Variants in TRHDE observed in about 807,000 individuals in gnomAD.
The protein encoded by TRHDE is thyrotropin releasing hormone degrading enzyme, also known as thyrotropin-releasing hormone-degrading ectoenzyme.
Under a neutral mutation model 125.7 loss-of-function variants are expected in TRHDE, and 72 were observed. That is an observed-to-expected ratio of 0.57 (90% CI 0.47 to 0.70). TRHDE has a LOEUF of 0.70. Among genes scored for constraint, TRHDE ranks in the 30% least tolerant of loss-of-function variants. The pLI is 0.00. For synonymous variants in TRHDE, 509 were observed against 509.1 expected (o/e 1.00, Z 0.00); for missense variants, 1,110 against 1,327.1 (o/e 0.84, Z 2.54).
At chr12:72,321,647 T>A (rs1398927153) in intron 2 of TRHDE, among the ~76,000 whole-genome samples, 1 of 152,170 alleles carries the variant, frequency 6.6e-6, no homozygotes, top group Non-Finnish European at 1.5e-5. Context: ...TTCCTTAAAA[T>A]GTATATACAT....
intron 2 of TRHDE, among the ~76,000 whole-genome samples, chr12:72,318,246 C>G (rs1360551233): frequency 6.6e-6 from 1 of 151,758 alleles, no homozygotes; most frequent in African/African-American, 2.4e-5. Flanking sequence ...TGTGGAGAGT[C>G]CAAAGAAATG....
chr12:72,355,442 C>A (rs1378163984), intron 2 of TRHDE, among the ~76,000 whole-genome samples: 1 of 151,502 alleles, frequency 6.6e-6, no homozygotes, highest in Non-Finnish European at 1.5e-5. Context: ...CTAAAAAGAA[C>A]CTTCAAAACC....
Position 72,139,291 on chromosome 12 carries a change from C to A in TRHDE, n.279+33539C>A, listed in dbSNP as rs1333284957. Among the ~76,000 whole-genome samples the A allele has an allele frequency of 2.6e-5, 4 of 151,178 alleles. No individual in the cohort carries two copies. In the East Asian group the frequency reaches 7.8e-4, roughly 29 times the overall value. The stretch of plus-strand genomic sequence containing the variant: ...TTTTTTTTTTAATGTGGTAAAATGG[C>A]TTTTAAGGGTAAATTTAACAATTTT... On this transcript the variant is annotated intron_variant and non_coding_transcript_variant, in intron 2 of 4. Transcript: ENST00000548156.
intron 2 of TRHDE, among the ~76,000 whole-genome samples, chr12:72,315,507 T>C (rs1303501818): frequency 6.6e-6 from 1 of 152,208 alleles, no homozygotes; most frequent in Non-Finnish European, 1.5e-5. Context: ...CTTATTGCCA[T>C]CTAAATACTT....
intron 12 of TRHDE, among the ~76,000 whole-genome samples, chr12:72,617,935 C>G (rs2136075497): frequency 6.6e-6 from 1 of 152,202 alleles, no homozygotes; most frequent in Non-Finnish European, 1.5e-5. Context: ...TATTAGGTTC[C>G]AACACATAAA....
At chr12:72,356,462 A>T (rs1372548127) in intron 2 of TRHDE, among the ~76,000 whole-genome samples, 1 of 151,468 alleles carries the variant, frequency 6.6e-6, no homozygotes, top group Non-Finnish European at 1.5e-5. Flanking sequence ...TGACAAAATA[A>T]TATGTACAGC....
At chr12:72,468,202 G>A (rs1876474548) in intron 3 of TRHDE, among the ~76,000 whole-genome samples, 1 of 152,074 alleles carries the variant, frequency 6.6e-6, no homozygotes, top group Non-Finnish European at 1.5e-5. Flanking sequence ...TACAACACAT[G>A]GTGTTATTCT....
Position 72,542,423 on chromosome 12 carries a change from TG to T in TRHDE, c.1788+69del, listed in dbSNP as rs1869200818. 4.4e-6 allele frequency: 6 copies of T among 1,353,882 alleles called. No individual in the cohort carries two copies. The South Asian group carries it at 7.7e-5, about 17-fold the overall frequency. The allele number at this position is 1,353,882 out of a possible 1,614,324, so 83.9% of individuals were successfully genotyped here. A position where few individuals can be genotyped will look rare whatever the true frequency, so the allele number is the denominator to read the frequency against. ...TCAATATATTTCACAGCTTAGGAAATGGCTAATACAAAATTGCTGAACTTGG... is the reference window on the plus strand; with the variant it reads ...TCAATATATTTCACAGCTTAGGAAATGCTAATACAAAATTGCTGAACTTGG... On this transcript the variant is annotated intron_variant, in intron 7 of 18. Coordinates refer to ENST00000261180, the MANE Select transcript of TRHDE (RefSeq NM_013381.3).
intron 12 of TRHDE, among the ~76,000 whole-genome samples, chr12:72,577,913 T>G (rs1871071324): frequency 6.6e-6 from 1 of 152,180 alleles, no homozygotes; most frequent in Non-Finnish European, 1.5e-5. Flanking sequence ...TTTGTTTTAT[T>G]GCTCAAGAGA....
chr12:72,266,991 T>G (rs2139398622), intron 2 of TRHDE, among the ~76,000 whole-genome samples: 1 of 152,262 alleles, frequency 6.6e-6, no homozygotes, highest in East Asian at 1.9e-4. Flanking sequence ...TTAGCTATTA[T>G]TATTATTTTC....
chr12:72,208,943 A>AT (rs1324296078), intron 2 of TRHDE, among the ~76,000 whole-genome samples: 1 of 152,110 alleles, frequency 6.6e-6, no homozygotes, highest in East Asian at 1.9e-4. Context: ...CTTCAATGCT[A>AT]TTCTTATGAT....
At chr12:72,512,524 A>AT (rs1419575347) in intron 6 of TRHDE, among the ~76,000 whole-genome samples, 2 of 138,484 alleles carry the variant, frequency 1.4e-5, no homozygotes, top group East Asian at 4.0e-4. Context: ...ATTATATATA[A>AT]TATATATGAT....
intron 2 of TRHDE, among the ~76,000 whole-genome samples, chr12:72,208,943 ATTC>A (rs1042221852): frequency 2.0e-5 from 3 of 152,110 alleles, no homozygotes; most frequent in Non-Finnish European, 4.4e-5. Context: ...CTTCAATGCT[ATTC>A]TTATGATTTC....
intron 2 of TRHDE, among the ~76,000 whole-genome samples, chr12:72,171,963 G>C (rs1424035086): frequency 6.6e-5 from 10 of 152,288 alleles, no homozygotes; most frequent in African/African-American, 2.4e-4. Context: ...CATGCCCACT[G>C]TTCAATTGCC....
chr12:72,121,523 G>A (rs563689809), intron 2 of TRHDE, among the ~76,000 whole-genome samples: 4 of 152,192 alleles, frequency 2.6e-5, no homozygotes, highest in South Asian at 2.1e-4. Context: ...GCAAAGTACC[G>A]CAATCACTGT....
chr12:72,646,749 T>A (rs1874296959), intron 15 of TRHDE, among the ~76,000 whole-genome samples: 1 of 152,046 alleles, frequency 6.6e-6, no homozygotes, highest in Non-Finnish European at 1.5e-5. Context: ...AAGGGCACTA[T>A]ATTATAATAA....
In TRHDE at chr12:72,273,303, C is replaced by T. The variant is rs768032130; in HGVS notation, c.660C>T (p.Asn220=). The change falls in exon 1 of 19, where the codon AAC becomes AAT. Residue 220 remains asparagine, a synonymous_variant. Transcript: ENST00000261180. The surrounding 1 kb of genome is among the most constrained non-coding windows in gnomAD (Gnocchi z 5.3). ...TCAACGTGGAGATCGCGTGCCGGAA[C>T]GCCACCCGCTACGTAGTGCTGCACG... is the stretch of plus-strand genomic sequence containing the variant. ...GEVNVEIACR[N]ATRYVVLHAS... 1 of 1,614,066 alleles carries T rather than the reference C, an allele frequency of 6.2e-7. No individual in the cohort carries two copies. The highest frequency in any genetic ancestry group is 8.5e-7 in the Non-Finnish European group (1 of 1,180,018).
chr12:72,315,955 A>G (rs780533782), intron 2 of TRHDE, among the ~76,000 whole-genome samples: 1 of 152,204 alleles, frequency 6.6e-6, no homozygotes, highest in South Asian at 2.1e-4. Context: ...GGAGAAAAAC[A>G]CAACTAAATT....
At position 72,654,266 on chromosome 12, in the gene TRHDE, A is replaced by G. The variant is rs997224742; in HGVS notation, c.2984+1110A>G. Among the ~76,000 whole-genome samples the G allele has an allele frequency of 2.0e-5, 3 of 152,152 alleles. No individual in the cohort carries two copies. In the South Asian group the frequency reaches 6.2e-4, roughly 32 times the overall value. On this transcript the variant is annotated intron_variant, in intron 17 of 18. Coordinates refer to ENST00000261180, the MANE Select transcript of TRHDE (RefSeq NM_013381.3). ...GCATATATAGTTTATTGCCTACCAAAAAATGTTTGGTTCCTGATATGCTTA... is the reference window on the plus strand; with the variant it reads ...GCATATATAGTTTATTGCCTACCAAGAAATGTTTGGTTCCTGATATGCTTA...
Sources: gnomAD v4.1 joint callset for allele counts (sites outside exome capture counted in the v4.1 genomes callset) on GRCh38, gnomAD v4.1.1 for gene constraint, Gnocchi (gnomAD v3.1) non-coding constraint, MANE v1.5 for transcripts, NCBI Gene and HGNC (gene_info 2026-07-23, HGNC 2026-07-21) for gene names.